The following ZFR variants were observed in gnomAD, a reference collection of about 807,000 sequenced individuals.
ZFR encodes zinc finger RNA binding protein.
In ZFR, 19 loss-of-function variants were observed where a neutral mutation model predicts 130.7. That is an observed-to-expected ratio of 0.15 (90% CI 0.10 to 0.21). The LOEUF is 0.21. Ranked by LOEUF, ZFR falls within the 10% of genes least tolerant of loss-of-function variation. The pLI, the probability that ZFR is intolerant of heterozygous loss-of-function variation, is 1.00. For synonymous variants in ZFR, 466 were observed against 456.9 expected, an observed-to-expected ratio of 1.02 and a Z score of -0.25; for missense variants, 872 against 1,321.5, an observed-to-expected ratio of 0.66 and a Z score of 5.27.
At chr5:32,408,629 T>G (rs1489401673) in intron 5 of ZFR, among the ~76,000 whole-genome samples, 1 of 152,228 alleles carries the variant, frequency 6.6e-6, no homozygotes, top group Non-Finnish European at 1.5e-5. Flanking sequence ...CTTGAAAACA[T>G]TTGGCTGTGA....
intron 17 of ZFR, among the ~76,000 whole-genome samples, chr5:32,374,515 TTAAATAAA>T (rs917409695): frequency 2.6e-5 from 4 of 151,680 alleles, no homozygotes; most frequent in African/African-American, 7.3e-5. Context: ...AAATAAATAA[TTAAATAAA>T]TAAATAAATA....
intron 16 of ZFR, 70 bp downstream of exon 16, chr5:32,380,005 A>G: frequency 7.9e-7 from 1 of 1,268,242 alleles, no homozygotes. Context: ...GTTTAAGCAC[A>G]GTTAAACATG....
rs561290951 is a variant in ZFR, at chr5:32,426,656, C to G, written c.138-6553G>C. Among the ~76,000 whole-genome samples the G allele has an allele frequency of 3.3e-5, 5 of 152,310 alleles. No homozygotes were observed. In the South Asian group the frequency reaches 1.0e-3, roughly 32 times the overall value. ...GTGGCTCACACCTGTAATCACAGCA[C>G]TTTGGGAGGCCAAGGCAGGTGGATC... On this transcript the variant is annotated intron_variant, in intron 2 of 19. Coordinates refer to ENST00000265069, the MANE Select transcript of ZFR (RefSeq NM_016107.5).
chr5:32,393,404 C>G (rs373996728), intron 11 of ZFR, among the ~76,000 whole-genome samples: 7 of 149,956 alleles, frequency 4.7e-5, no homozygotes, highest in Non-Finnish European at 8.8e-5. Flanking sequence ...AGTATAATGG[C>G]GCGATCTCGC....
intron 2 of ZFR, among the ~76,000 whole-genome samples, chr5:32,438,222 G>A (rs1232817773): frequency 7.0e-6 from 1 of 143,060 alleles, no homozygotes; most frequent in Admixed American, 7.2e-5. Flanking sequence ...CAATATTGAT[G>A]AAACAAGAAT....
intron 2 of ZFR, among the ~76,000 whole-genome samples, chr5:32,421,486 A>C (rs553369723): frequency 6.6e-6 from 1 of 152,318 alleles, no homozygotes; most frequent in East Asian, 1.9e-4. Flanking sequence ...ATAAACTAGG[A>C]AGTTCATATT....
At chr5:32,438,787 A>T (rs1754397890) in intron 2 of ZFR, among the ~76,000 whole-genome samples, 1 of 152,172 alleles carries the variant, frequency 6.6e-6, no homozygotes, top group African/African-American at 2.4e-5. Flanking sequence ...AACCCTTATA[A>T]TATTATTACT....
At chr5:32,398,444 C>T (rs1012150434) in intron 9 of ZFR, among the ~76,000 whole-genome samples, 2 of 152,106 alleles carry the variant, frequency 1.3e-5, no homozygotes, top group African/African-American at 4.8e-5. Context: ...ATTATGAATA[C>T]TGAGTTCAAA....
chr5:32,387,468 T>A, intron 14 of ZFR, 81 bp downstream of exon 14: 1 of 1,539,284 alleles, frequency 6.5e-7, no homozygotes, highest in Non-Finnish European at 8.8e-7. Context: ...CTGGCTTAGG[T>A]TTAAACCGAA....
At chr5:32,410,283 CAAAAAAAAAAAAAA>C (rs3065266) in intron 5 of ZFR, among the ~76,000 whole-genome samples, 40,321 of 113,324 alleles carry the variant, frequency 0.36, 6,655 homozygotes, top group Middle Eastern at 0.53. Flanking sequence ...ACACTGTCTC[CAAAAAAAAAAAAAA>C]AAAAAAAAAA....
At chr5:32,395,044 A>T in intron 11 of ZFR, 115 bp downstream of exon 11, 1 of 1,365,798 alleles carries the variant, frequency 7.3e-7, no homozygotes, top group Non-Finnish European at 9.6e-7. Flanking sequence ...TCAAGAGTGA[A>T]AATTGGAAGT....
chr5:32,374,626 C>A (rs1270033605), intron 17 of ZFR, among the ~76,000 whole-genome samples: 1 of 151,854 alleles, frequency 6.6e-6, no homozygotes, highest in Non-Finnish European at 1.5e-5. Context: ...TACTGAAACA[C>A]CCACATTATT....
At chr5:32,408,681 T>C (rs1167604687) in intron 5 of ZFR, among the ~76,000 whole-genome samples, 1 of 152,218 alleles carries the variant, frequency 6.6e-6, no homozygotes, top group Non-Finnish European at 1.5e-5. Flanking sequence ...TAGAGGACGT[T>C]TGTAGGACTG....
At position 32,434,397 on chromosome 5, in the gene ZFR, G is replaced by A. The variant is rs117458062; in HGVS notation, c.137+9832C>T. ...TGATAATTGGGAAACATTTTCCTGT[G>A]TCAACTTTCTTCTCCTTTGCTGGTA... On this transcript the variant is annotated intron_variant, in intron 2 of 19. Coordinates refer to ENST00000265069, the MANE Select transcript of ZFR (RefSeq NM_016107.5). Among the ~76,000 whole-genome samples the A allele has an allele frequency of 1.0e-3, 156 of 152,292 alleles. 4 individuals are homozygous for A. The East Asian group carries it at 0.029, about 28-fold the overall frequency.
intron 17 of ZFR, chr5:32,365,084 G>A (rs1213524022): frequency 2.0e-5 from 3 of 152,130 alleles, no homozygotes; most frequent in African/African-American, 4.8e-5. Flanking sequence ...TTATACAAAT[G>A]GAATCATGTA....
Position 32,412,091 on chromosome 5 carries a change from G to T in ZFR, c.784+2878C>A, listed in dbSNP as rs938884165. ...GTAGAAATTCATTCAGTTTTCAAAG[G>T]ATCTACCACCACAGGGTGAAAGACA... On this transcript the variant is annotated intron_variant, in intron 5 of 19. Coordinates refer to ENST00000265069, the MANE Select transcript of ZFR (RefSeq NM_016107.5). Among the ~76,000 whole-genome samples, 4 of 152,134 alleles carry T rather than the reference G, an allele frequency of 2.6e-5. No homozygotes were observed. In the East Asian group the frequency reaches 7.7e-4, roughly 29 times the overall value.
At chr5:32,437,375 A>C (rs1754362475) in intron 2 of ZFR, among the ~76,000 whole-genome samples, 1 of 152,212 alleles carries the variant, frequency 6.6e-6, no homozygotes, top group South Asian at 2.1e-4. Flanking sequence ...ATGCACTTTA[A>C]TATAAAGTGT....
rs1401869489 is a variant in ZFR, at chr5:32,390,309, C to T, written c.2108G>A (p.Arg703Gln). The change falls in exon 12 of 20, where the codon CGA becomes CAA. Residue 703 changes from arginine (R) to glutamine (Q), a missense_variant. Around this residue, in one of 7 missense-constraint regions of ZFR, gnomAD observed 225 missense variants for 282.4 expected, o/e 0.80. Coordinates refer to ENST00000265069, the MANE Select transcript of ZFR (RefSeq NM_016107.5). ...PPGPLGLLGV[R>Q]PGMPPQPQGP... Reference sequence around the variant, plus strand: ...CTGAGGCTGAGGAGGCATGCCTGGTCGGACTCCCAGAAGGCCTAATGGGCC... The same window carrying T: ...CTGAGGCTGAGGAGGCATGCCTGGTTGGACTCCCAGAAGGCCTAATGGGCC... 1.9e-6 allele frequency: 3 copies of T among 1,614,108 alleles called. No homozygotes were observed. The highest frequency in any genetic ancestry group is 2.2e-5 in the East Asian group (1 of 44,880).
intron 4 of ZFR, 151 bp downstream of exon 4, chr5:32,417,497 T>C: frequency 4.7e-6 from 4 of 859,174 alleles, no homozygotes; most frequent in Non-Finnish European, 7.0e-6. Context: ...GAATTGTGAC[T>C]CCAAGGCATT....
Sources: allele counts gnomAD v4.1 joint callset (sites outside exome capture counted in the v4.1 genomes callset), GRCh38; gene constraint gnomAD v4.1.1; regional missense constraint gnomAD v4.1.1; transcripts MANE v1.5; gene names NCBI Gene and HGNC (gene_info 2026-07-23, HGNC 2026-07-21).